TRPC6: variants seen among roughly 807,000 people sequenced by gnomAD.
TRPC6 encodes the protein transient receptor potential cation channel subfamily C member 6.
In TRPC6, 55 loss-of-function variants were observed where a neutral mutation model predicts 90.7. That is an observed-to-expected ratio of 0.61 (90% CI 0.49 to 0.76). The LOEUF is 0.76. Ranked by LOEUF, TRPC6 falls within the 30% of genes least tolerant of loss-of-function variation. The probability of loss-of-function intolerance (pLI) is 0.00; values close to 1 mark genes in which losing one functional copy is unlikely to be tolerated. For missense variants in TRPC6, 989 were observed against 1,122.7 expected (o/e 0.88, Z 1.70); for synonymous variants, 393 against 393.0 (o/e 1.00, Z 0.00).
At chr11:101,464,348 T>G (rs1258162737) in intron 10 of TRPC6, among the ~76,000 whole-genome samples, 1 of 152,108 alleles carries the variant, frequency 6.6e-6, no homozygotes, top group Non-Finnish European at 1.5e-5. Flanking sequence ...CTAATATCTT[T>G]AATTTTCTGT....
At chr11:101,560,784 T>G (rs1275081213) in intron 1 of TRPC6, among the ~76,000 whole-genome samples, 1 of 152,038 alleles carries the variant, frequency 6.6e-6, no homozygotes, top group Non-Finnish European at 1.5e-5. Context: ...GAGTCAAAGG[T>G]AATCTAGGCA....
In TRPC6 at chr11:101,583,743, G is replaced by A. The variant is rs1862258686; in HGVS notation, c.-240C>T. On this transcript the variant is annotated 5_prime_UTR_variant, in exon 1 of 13. Transcript: ENST00000344327. ...GAGGATCTTGACCTGAGCAGGTCAG[G>A]CCGAGGAGACCCCGCGAGGATGCGT... 1 of 418,882 alleles carries A rather than the reference G, an allele frequency of 2.4e-6. No individual in the cohort carries two copies. The highest frequency in any genetic ancestry group is 2.1e-5 in the African/African-American group (1 of 48,662). The allele number at this position is 418,882 out of a possible 1,614,324, so 25.9% of individuals were successfully genotyped here. A position where few individuals can be genotyped will look rare whatever the true frequency, so the allele number is the denominator to read the frequency against.
chr11:101,508,593 T>C (rs946513447), intron 1 of TRPC6, among the ~76,000 whole-genome samples: 88 of 152,178 alleles, frequency 5.8e-4, no homozygotes, highest in African/African-American at 2.0e-3. Flanking sequence ...TCTTATCTTC[T>C]GTATTTATTG....
intron 1 of TRPC6, among the ~76,000 whole-genome samples, chr11:101,527,043 A>C (rs1675964773): frequency 6.6e-6 from 1 of 152,146 alleles, no homozygotes; most frequent in African/African-American, 2.4e-5. Context: ...AATATTATAT[A>C]GCTGCAAGGC....
Position 101,547,639 on chromosome 11 carries a change from C to A in TRPC6, c.170+35695G>T, listed in dbSNP as rs142541948. On this transcript the variant is annotated intron_variant, in intron 1 of 12. Transcript: ENST00000344327. ...TTCTTCCTATCTGTAATTTAGAAAG[C>A]AATAAGTTATCAGAAATTTTGTGTA... 4.5e-3 allele frequency among the ~76,000 whole-genome samples: 686 copies of A among 152,214 alleles called. 2 individuals carry two copies. The highest frequency in any genetic ancestry group is 0.014 in the Middle Eastern group (4 of 294).
chr11:101,537,492 A>C (rs188136138), intron 1 of TRPC6, among the ~76,000 whole-genome samples: 3 of 152,140 alleles, frequency 2.0e-5, no homozygotes, highest in African/African-American at 7.2e-5. Flanking sequence ...TCTGAATTCT[A>C]TAAGTAACTA....
At chr11:101,542,449 T>C (rs1440610807) in intron 1 of TRPC6, among the ~76,000 whole-genome samples, 1 of 152,236 alleles carries the variant, frequency 6.6e-6, no homozygotes, top group Non-Finnish European at 1.5e-5. Flanking sequence ...GTGTAAATGC[T>C]GATTTCAGCT....
chr11:101,497,745 G>T (rs1859985968), intron 2 of TRPC6, among the ~76,000 whole-genome samples: 1 of 151,840 alleles, frequency 6.6e-6, no homozygotes, highest in African/African-American at 2.4e-5. Context: ...GAACATGTTG[G>T]TTTATTACAT....
chr11:101,534,933 G>A (rs570056263), intron 1 of TRPC6, among the ~76,000 whole-genome samples: 1 of 152,196 alleles, frequency 6.6e-6, no homozygotes, highest in Non-Finnish European at 1.5e-5. Context: ...GAGGCCCAGT[G>A]AGCACATCAC....
intron 1 of TRPC6, 128 bp downstream of exon 1, chr11:101,583,206 C>G (rs1401417693): frequency 3.5e-6 from 5 of 1,442,680 alleles, no homozygotes; most frequent in Non-Finnish European, 3.6e-6. Flanking sequence ...CGCGGACCTC[C>G]CAGCACCGTC....
chr11:101,516,244 C>T (rs1052290134), intron 1 of TRPC6, among the ~76,000 whole-genome samples: 1 of 152,104 alleles, frequency 6.6e-6, no homozygotes, highest in Non-Finnish European at 1.5e-5. Context: ...GCTAGCAATG[C>T]ATGGTAAGGC....
chr11:101,571,048 C>A (rs920711687), intron 1 of TRPC6, among the ~76,000 whole-genome samples: 9 of 152,038 alleles, frequency 5.9e-5, no homozygotes, highest in Non-Finnish European at 1.3e-4. Context: ...AGAAATAAAG[C>A]GTATTCAATT....
Position 101,472,194 on chromosome 11 carries a change from G to A in TRPC6, c.2148C>T (p.Val716=), listed in dbSNP as rs1241740712. ...CAATTAACATATTTAGCAAAACAATGACCATCGTAACATTATAGACTCCAT... is the reference window on the plus strand; with the variant it reads ...CAATTAACATATTTAGCAAAACAATAACCATCGTAACATTATAGACTCCAT... ...VLYGVYNVTM[V]IVLLNMLIAM... The change falls in exon 8 of 13, where the codon GTC becomes GTT. Residue 716 remains valine (V), a synonymous_variant. Transcript: ENST00000344327. 5.0e-6 allele frequency: 8 copies of A among 1,612,564 alleles called. No individual in the cohort carries two copies. In the South Asian group the frequency reaches 7.7e-5, roughly 16 times the overall value.
rs1591068214 is a variant in TRPC6 at position 101,473,606 on chromosome 11, T to C, written c.1912A>G (p.Met638Val). The C allele has an allele frequency of 6.2e-7, 1 of 1,613,740 alleles. No homozygotes were observed. Residue 638 changes from methionine to valine, a missense_variant, in exon 7 of 13, where the codon ATG (methionine) becomes GTG (valine). Physicochemically the swap from Met to Val is conservative, Grantham distance 21 (BLOSUM62 1). This residue lies in a region of TRPC6 where 118 missense variants were observed against 197.6 expected (regional missense o/e 0.60). Transcript: ENST00000344327. ...GRTVKDIFKF[M>V]VIFIMVFVAF... is the part of the protein sequence containing the mutation. ...ACAAACACCATAATGAATATGACCA[T>C]GAACTTGAAGATGTCTTTGACTGTT...
At chr11:101,527,354 C>T (rs568582804) in intron 1 of TRPC6, among the ~76,000 whole-genome samples, 2 of 152,196 alleles carry the variant, frequency 1.3e-5, no homozygotes, top group African/African-American at 2.4e-5. Flanking sequence ...TAATACAAAC[C>T]TCTAGGACAC....
In TRPC6 at chr11:101,453,713, T is replaced by G. The variant is rs1296640659; in HGVS notation, c.2581A>C (p.Arg861=). 1 of 1,613,094 alleles carries G rather than the reference T, an allele frequency of 6.2e-7. No homozygotes were observed. Among genetic ancestry groups the G allele is most frequent in the Non-Finnish European group, 8.5e-7 (1 of 1,179,284 alleles). Residue 861 remains arginine (R), a synonymous_variant, in exon 12 of 13, where the codon AGG becomes CGG. Transcript: ENST00000344327. ...PPRQYQKIMK[R]LIKRYVLQAQ... is the part of the protein sequence containing the mutation. ...TGCAGTACATATCTTTTAATGAGCC[T>G]TTTCATTATTTTCTAGAAAACAGAG...
At chr11:101,573,956 G>GTGTGTGTA (rs869256064) in intron 1 of TRPC6, among the ~76,000 whole-genome samples, 1 of 126,482 alleles carries the variant, frequency 7.9e-6, no homozygotes, top group Non-Finnish European at 1.8e-5. Context: ...GTGTGTGTGT[G>GTGTGTGTA]TATGTGTGTG....
In TRPC6 at chr11:101,526,861, CAAAAAAAAAAAAA is replaced by C. The variant is rs573864895; in HGVS notation, c.171-22076_171-22064del. Among the ~76,000 whole-genome samples, 62 of 36,114 alleles carry C rather than the reference CAAAAAAAAAAAAA, an allele frequency of 1.7e-3. 1 individual carries two copies. In the East Asian group the frequency reaches 0.044, roughly 26 times the overall value. The allele number at this position is 36,114 out of a possible 152,430, so 23.7% of individuals were successfully genotyped here. ...CCTGGGTGACAGAAGGAGACTGTCT[CAAAAAAAAAAAAA>C]AAAAAAAAAAAAAAAAAAAAAAAAT... On this transcript the variant is annotated intron_variant, in intron 1 of 12. Coordinates refer to ENST00000344327, the MANE Select transcript of TRPC6 (RefSeq NM_004621.6).
chr11:101,541,402 C>T (rs961918671), intron 1 of TRPC6, among the ~76,000 whole-genome samples: 6 of 152,166 alleles, frequency 3.9e-5, no homozygotes, highest in African/African-American at 1.4e-4. Flanking sequence ...CGCTCTTTCG[C>T]CCAGGCCGGA....
Sources: gnomAD v4.1 joint callset for allele counts (sites outside exome capture counted in the v4.1 genomes callset) on GRCh38, gnomAD v4.1.1 for gene constraint, gnomAD v4.1.1 regional missense constraint, MANE v1.5 for transcripts, NCBI Gene and HGNC (gene_info 2026-07-23, HGNC 2026-07-21) for gene names.